ZUP1: variants seen among roughly 807,000 people sequenced by gnomAD.
The protein encoded by ZUP1 is zinc finger-containing ubiquitin peptidase 1.
ZUP1 carries 55 observed loss-of-function variants against 68.1 expected under a neutral mutation model. The ratio of observed to expected loss-of-function variants is 0.81; its 90% CI spans 0.65 to 1.01. ZUP1 has a LOEUF of 1.01. ZUP1 is among the 50% of genes least tolerant of loss of function. The probability of loss-of-function intolerance (pLI) is 0.00; values close to 1 mark genes in which losing one functional copy is unlikely to be tolerated. For missense variants in ZUP1, 684 were observed against 674.9 expected (o/e 1.01, Z -0.15); for synonymous variants, 223 against 221.5 (o/e 1.01, Z -0.06).
chr6:116,635,966 C>A, intron 9 of ZUP1, 87 bp from the exon 10 acceptor site: 1 of 960,380 alleles, frequency 1.0e-6, no homozygotes, highest in Non-Finnish European at 1.5e-6. Flanking sequence ...AAAATAAAAT[C>A]TGGAATTTTT....
chr6:116,652,686 C>T (rs901950930), intron 5 of ZUP1, among the ~76,000 whole-genome samples: 3 of 152,134 alleles, frequency 2.0e-5, no homozygotes, highest in Non-Finnish European at 2.9e-5. Flanking sequence ...ATATCTCATA[C>T]TCCAATACGC....
chr6:116,653,036 A>T (rs1776562451), intron 5 of ZUP1, among the ~76,000 whole-genome samples: 1 of 152,080 alleles, frequency 6.6e-6, no homozygotes, highest in Non-Finnish European at 1.5e-5. Flanking sequence ...CACTATCTAA[A>T]TGCTAAGTAC....
chr6:116,651,433 G>A (rs1754166193), intron 7 of ZUP1, 139 bp downstream of exon 7: 1 of 643,080 alleles, frequency 1.6e-6, no homozygotes, highest in African/African-American at 1.9e-5. Flanking sequence ...ATAGTGAATA[G>A]GCTGCTGATT....
At chr6:116,639,083 T>G (rs1214013673) in intron 9 of ZUP1, among the ~76,000 whole-genome samples, 5 of 152,212 alleles carry the variant, frequency 3.3e-5, no homozygotes, top group Non-Finnish European at 5.9e-5. Context: ...TCTCCCTGAT[T>G]GCTAGCACAG....
At chr6:116,635,948 T>A in intron 9 of ZUP1, 69 bp from the exon 10 acceptor site, 1 of 1,078,872 alleles carries the variant, frequency 9.3e-7, no homozygotes, top group Non-Finnish European at 1.3e-6. Flanking sequence ...GTTGTCATTC[T>A]AATGTAAAAA....
At chr6:116,654,489 G>A (rs1414056461) in intron 5 of ZUP1, among the ~76,000 whole-genome samples, 1 of 151,868 alleles carries the variant, frequency 6.6e-6, no homozygotes, top group Admixed American at 6.5e-5. Flanking sequence ...AATATTTGAA[G>A]AAAACATAAA....
chr6:116,646,587 G>C (rs1255141061), intron 8 of ZUP1, among the ~76,000 whole-genome samples: 1 of 152,122 alleles, frequency 6.6e-6, no homozygotes, highest in Non-Finnish European at 1.5e-5. Context: ...TGAGTTGTAC[G>C]TGTTTTTGAC....
intron 7 of ZUP1, among the ~76,000 whole-genome samples, chr6:116,648,955 C>T: frequency 6.7e-6 from 1 of 148,224 alleles, no homozygotes; most frequent in Non-Finnish European, 1.5e-5. Flanking sequence ...GGGTGACAGA[C>T]TGGAGACAGA....
chr6:116,645,598 A>AAG, intron 9 of ZUP1, 116 bp downstream of exon 9: 12 of 815,136 alleles, frequency 1.5e-5, no homozygotes, highest in African/African-American at 1.8e-5. Context: ...AAAAAAAAAA[A>AAG]AAAGAAAAAG....
rs1391424401 is a variant in ZUP1, at chr6:116,645,620, A to G, written c.1689+94T>C. ...AAAAAAAGAAAAAGAATAGAAAAAA[A>G]AGAAAAAAGTGATAACACTGATTTT... On this transcript the variant is annotated intron_variant, in intron 9 of 9. Transcript: ENST00000368576. The G allele has an allele frequency of 2.9e-6, 3 of 1,026,212 alleles. No individual in the cohort carries two copies. In the East Asian group the frequency reaches 7.9e-5, roughly 27 times the overall value. The allele number at this position is 1,026,212 out of a possible 1,614,324, so 63.6% of individuals were successfully genotyped here. A position where few individuals can be genotyped will look rare whatever the true frequency, so the allele number is the denominator to read the frequency against.
intron 2 of ZUP1, among the ~76,000 whole-genome samples, chr6:116,661,306 G>A (rs746037586): frequency 1.2e-4 from 18 of 151,744 alleles, no homozygotes; most frequent in Admixed American, 2.0e-4. Flanking sequence ...TTCTAGGGTC[G>A]AGATAGAAGG....
intron 5 of ZUP1, among the ~76,000 whole-genome samples, chr6:116,654,945 TAACAACGTTGAA>T (rs1776620022): frequency 6.6e-6 from 1 of 152,140 alleles, no homozygotes; most frequent in Non-Finnish European, 1.5e-5. Context: ...ATAATAACCT[TAACAACGTTGAA>T]GATTTGCACG....
chr6:116,648,696 T>C (rs1776388517), intron 7 of ZUP1, among the ~76,000 whole-genome samples: 2 of 152,098 alleles, frequency 1.3e-5, no homozygotes, highest in Admixed American at 6.6e-5. Context: ...GTGCAGTGGC[T>C]CACGCCTGTG....
At position 116,650,379 on chromosome 6, in the gene ZUP1, G is replaced by T. The variant is rs372247293; in HGVS notation, c.1316+1193C>A. Reference sequence around the variant, plus strand: ...GGAGCTTGCAGTGAGCCAAGATCACGCCACTGCACTCCAGCCTGGGCAACA... The same window carrying T: ...GGAGCTTGCAGTGAGCCAAGATCACTCCACTGCACTCCAGCCTGGGCAACA... On this transcript the variant is annotated intron_variant, in intron 7 of 9. Coordinates refer to ENST00000368576, the MANE Select transcript of ZUP1 (RefSeq NM_145062.3). Among the ~76,000 whole-genome samples, 17 of 125,126 alleles carry T rather than the reference G, an allele frequency of 1.4e-4. No individual in the cohort carries two copies. The East Asian group carries it at 3.1e-3, about 23-fold the overall frequency. 82.1% of individuals were successfully genotyped at this position (125,126 alleles called of 152,430 possible). A position where few individuals can be genotyped will look rare whatever the true frequency, so the allele number is the denominator to read the frequency against.
rs142731417 is a variant in ZUP1, at chr6:116,645,963, C to T, written c.1469-29G>A. Reference sequence around the variant, plus strand: ...TCAAAAGATTTTTAAGTTATACATACGTCACATCTATTTACAGTTATACAA... The same window carrying T: ...TCAAAAGATTTTTAAGTTATACATATGTCACATCTATTTACAGTTATACAA... On this transcript the variant is annotated intron_variant, in intron 8 of 9. Coordinates refer to ENST00000368576, the MANE Select transcript of ZUP1 (RefSeq NM_145062.3). 12,936 of 1,481,768 alleles carry T rather than the reference C, an allele frequency of 8.7e-3. 193 individuals are homozygous for T. Among genetic ancestry groups the T allele is most frequent in the Non-Finnish European group, 8.4e-3 (8,956 of 1,069,740 alleles). 91.8% of individuals were successfully genotyped at this position (1,481,768 alleles called of 1,614,324 possible).
rs1399851231 is a variant in ZUP1 at position 116,666,954 on chromosome 6, G to A, written c.239C>T (p.Thr80Ile). The A allele has an allele frequency of 3.7e-6, 6 of 1,613,470 alleles. No homozygotes were observed. The African/African-American group carries it at 8.0e-5, about 22-fold the overall frequency. The change falls in exon 2 of 10, where the codon ACC becomes ATC. Residue 80 changes from threonine to isoleucine, a missense_variant. Coordinates refer to ENST00000368576, the MANE Select transcript of ZUP1 (RefSeq NM_145062.3). ...ATTAACTTCCATTCCACACTGTAGG[G>A]TGTTGTCTTTCTTGTTATCTGAAGT... Reference protein sequence around the residue: ...YGTSDNKKDNTLQCGMEVNSS... With the variant: ...YGTSDNKKDNILQCGMEVNSS...
chr6:116,636,628 T>C (rs965835136), intron 9 of ZUP1, among the ~76,000 whole-genome samples: 1 of 152,136 alleles, frequency 6.6e-6, no homozygotes, highest in Non-Finnish European at 1.5e-5. Context: ...TATAAGACTC[T>C]AGTGGCCAAG....
intron 3 of ZUP1, 118 bp from the exon 4 acceptor site, chr6:116,659,042 G>A: frequency 1.1e-6 from 1 of 903,934 alleles, no homozygotes; most frequent in South Asian, 1.9e-5. Flanking sequence ...ATTCATGACT[G>A]TGATGATATG....
At chr6:116,635,948 T>C in intron 9 of ZUP1, 69 bp from the exon 10 acceptor site, 1 of 1,078,874 alleles carries the variant, frequency 9.3e-7, no homozygotes, top group Non-Finnish European at 1.3e-6. Flanking sequence ...GTTGTCATTC[T>C]AATGTAAAAA....
Sources: gnomAD v4.1 joint callset for allele counts (sites outside exome capture counted in the v4.1 genomes callset) on GRCh38, gnomAD v4.1.1 for gene constraint, MANE v1.5 for transcripts, NCBI Gene and HGNC (gene_info 2026-07-23, HGNC 2026-07-21) for gene names.